The following MCC variants were observed in gnomAD, a reference collection of about 807,000 sequenced individuals.
MCC encodes the protein MCC regulator of Wnt signaling pathway.
In MCC, 90 loss-of-function variants were observed where a neutral mutation model predicts 116.2. The ratio of observed to expected loss-of-function variants is 0.77; its 90% confidence interval spans 0.65 to 0.92. MCC has a LOEUF of 0.92. Among genes scored for constraint, MCC ranks in the 40% least tolerant of loss-of-function variants. MCC has a pLI of 0.00. For missense variants in MCC, 1,516 were observed against 1,312.2 expected, an observed-to-expected ratio of 1.16 and a Z score of -2.40; for synonymous variants, 578 against 510.5, an observed-to-expected ratio of 1.13 and a Z score of -1.78.
At chr5:113,129,961 T>C (rs1301847329) in intron 5 of MCC, among the ~76,000 whole-genome samples, 1 of 152,138 alleles carries the variant, frequency 6.6e-6, no homozygotes, top group Non-Finnish European at 1.5e-5. Context: ...GAAATACCAT[T>C]TGACCCAGCA....
chr5:113,486,123 C>A (rs1290266643), intron 1 of MCC, among the ~76,000 whole-genome samples: 1 of 152,194 alleles, frequency 6.6e-6, no homozygotes, highest in African/African-American at 2.4e-5. Context: ...CACTTCCAGA[C>A]AAGTTCCTTG....
chr5:113,104,616 T>A (rs1401025964), intron 6 of MCC: 2 of 328,704 alleles, frequency 6.1e-6, no homozygotes, highest in Non-Finnish European at 1.1e-5. Context: ...TTGAGTTTCT[T>A]TAGTAAGAAC....
In MCC at chr5:113,272,655, G is replaced by A. The variant is rs10061670; in HGVS notation, c.627+67864C>T. ...ACAGCTAACCTAGAAACAGGAATAAGCTCATCAGAATTCTAGCAACACCAG... is the reference window on the plus strand; with the variant it reads ...ACAGCTAACCTAGAAACAGGAATAAACTCATCAGAATTCTAGCAACACCAG... On this transcript the variant is annotated intron_variant, in intron 3 of 18. Transcript: ENST00000408903. Among the ~76,000 whole-genome samples, 767 of 152,266 alleles carry A rather than the reference G, an allele frequency of 5.0e-3. 8 individuals carry two copies. The highest frequency in any genetic ancestry group is 0.017 in the African/African-American group (724 of 41,552).
At chr5:113,060,525 G>C (rs1452786113) in intron 14 of MCC, among the ~76,000 whole-genome samples, 1 of 152,154 alleles carries the variant, frequency 6.6e-6, no homozygotes, top group Non-Finnish European at 1.5e-5. Context: ...AAATTTATCT[G>C]AATGAGTGGG....
intron 1 of MCC, among the ~76,000 whole-genome samples, chr5:113,437,987 A>T (rs1649817330): frequency 6.6e-6 from 1 of 152,198 alleles, no homozygotes; most frequent in South Asian, 2.1e-4. Context: ...AAGGCATCCT[A>T]AAATCGATGC....
chr5:113,446,575 T>C (rs1771224647), intron 1 of MCC, among the ~76,000 whole-genome samples: 1 of 152,182 alleles, frequency 6.6e-6, no homozygotes, highest in South Asian at 2.1e-4. Context: ...GAATGGTTAT[T>C]ATCAAAAAGT....
intron 1 of MCC, among the ~76,000 whole-genome samples, chr5:113,466,553 T>C (rs1453827683): frequency 6.6e-6 from 1 of 152,124 alleles, no homozygotes; most frequent in Non-Finnish European, 1.5e-5. Context: ...ATGGTGTATA[T>C]GTGCCACATT....
intron 3 of MCC, among the ~76,000 whole-genome samples, chr5:113,188,575 G>A (rs1225687567): frequency 6.6e-6 from 1 of 152,148 alleles, no homozygotes. Context: ...AAAGGGGAAG[G>A]GAAAATCATG....
At chr5:113,075,604 G>C (rs1236067337) in intron 11 of MCC, among the ~76,000 whole-genome samples, 2 of 152,204 alleles carry the variant, frequency 1.3e-5, no homozygotes. Context: ...GCACCAGTCA[G>C]CACCCTGTCA....
intron 14 of MCC, among the ~76,000 whole-genome samples, chr5:113,057,002 G>T (rs997398111): frequency 6.6e-6 from 1 of 152,190 alleles, no homozygotes; most frequent in Non-Finnish European, 1.5e-5. Context: ...TGCAGGGAAG[G>T]CCTGTGTGAT....
chr5:113,429,381 C>G (rs181355470), intron 1 of MCC, among the ~76,000 whole-genome samples: 9 of 152,258 alleles, frequency 5.9e-5, no homozygotes, highest in Admixed American at 5.2e-4. Context: ...CATCAACTAG[C>G]ATCTTAATCT....
At chr5:113,057,693 C>T (rs1752927251) in intron 14 of MCC, among the ~76,000 whole-genome samples, 1 of 152,250 alleles carries the variant, frequency 6.6e-6, no homozygotes, top group Non-Finnish European at 1.5e-5. Context: ...GGCCTGTCTG[C>T]CTGCAACCTG....
intron 3 of MCC, among the ~76,000 whole-genome samples, chr5:113,216,358 C>G (rs763734461): frequency 6.6e-6 from 1 of 152,028 alleles, no homozygotes; most frequent in Non-Finnish European, 1.5e-5. Flanking sequence ...AACACTAGCT[C>G]CCCAGGATTC....
At chr5:113,455,964 G>C (rs1771531233) in intron 1 of MCC, among the ~76,000 whole-genome samples, 1 of 152,126 alleles carries the variant, frequency 6.6e-6, no homozygotes, top group South Asian at 2.1e-4. Context: ...AGATCATACA[G>C]CTAATAAACT....
At chr5:113,426,868 G>A (rs1353720615) in intron 1 of MCC, among the ~76,000 whole-genome samples, 4 of 152,030 alleles carry the variant, frequency 2.6e-5, no homozygotes, top group Admixed American at 6.6e-5. Context: ...TCTATAATGC[G>A]ATGGGAGTGC....
At chr5:113,143,082 A>C in intron 5 of MCC, 136 bp downstream of exon 5, 3 of 952,696 alleles carry the variant, frequency 3.1e-6, no homozygotes, top group Non-Finnish European at 4.5e-6. Context: ...GATACAAAGA[A>C]AACATCATTA....
At chr5:113,265,377 C>A (rs895381970) in intron 3 of MCC, among the ~76,000 whole-genome samples, 1 of 152,134 alleles carries the variant, frequency 6.6e-6, no homozygotes, top group Non-Finnish European at 1.5e-5. Context: ...TATGACGTCA[C>A]AGAATGAACC....
chr5:113,075,765 G>A (rs1754406857), intron 11 of MCC, among the ~76,000 whole-genome samples: 1 of 152,160 alleles, frequency 6.6e-6, no homozygotes, highest in African/African-American at 2.4e-5. Flanking sequence ...TCCATGCTGT[G>A]GAAGCTTTGT....
chr5:113,407,320 G>A (rs1417883496), intron 1 of MCC, among the ~76,000 whole-genome samples: 2 of 152,190 alleles, frequency 1.3e-5, no homozygotes, highest in Non-Finnish European at 2.9e-5. Context: ...AAACTGGGTG[G>A]TAAGTGTATT....
Sources: allele counts gnomAD v4.1 joint callset (sites outside exome capture counted in the v4.1 genomes callset), GRCh38; gene constraint gnomAD v4.1.1; transcripts MANE v1.5; gene names NCBI Gene and HGNC (gene_info 2026-07-23, HGNC 2026-07-21).